Variants in GSTA4 observed in about 807,000 individuals in gnomAD.
GSTA4 encodes the protein glutathione S-transferase alpha 4, also known as glutathione S-transferase A4.
In GSTA4, 15 loss-of-function variants were observed where a neutral mutation model predicts 24.4. The ratio of observed to expected loss-of-function variants is 0.61; its 90% CI spans 0.41 to 0.95. GSTA4 has a LOEUF of 0.95. Among genes scored for constraint, GSTA4 ranks in the 40% least tolerant of loss-of-function variants. The pLI is 0.00. For missense variants in GSTA4, 244 were observed against 262.1 expected (o/e 0.93, Z 0.48); for synonymous variants, 92 against 94.2 (o/e 0.98, Z 0.13).
intron 6 of GSTA4, among the ~76,000 whole-genome samples, chr6:52,980,669 G>A (rs1395529324): frequency 6.6e-6 from 1 of 152,024 alleles, no homozygotes; most frequent in Admixed American, 6.6e-5. Flanking sequence ...ACCTATTTGG[G>A]GCCAAAGGTA....
At chr6:52,993,197 C>T (rs1247865712) in intron 2 of GSTA4, among the ~76,000 whole-genome samples, 1 of 152,144 alleles carries the variant, frequency 6.6e-6, no homozygotes, top group African/African-American at 2.4e-5. Context: ...CGTAATATGA[C>T]ATGGTGATGT....
At chr6:52,992,133 G>A (rs570876742) in intron 2 of GSTA4, among the ~76,000 whole-genome samples, 3 of 152,052 alleles carry the variant, frequency 2.0e-5, no homozygotes, top group Admixed American at 6.6e-5. Context: ...GATGAGCACA[G>A]AGCATTTTAT....
In GSTA4 at chr6:52,978,582, A is replaced by G; in HGVS notation, c.557T>C (p.Val186Ala). The stretch of plus-strand genomic sequence containing the variant: ...AATTGTAGGGATATTACTTAGTTTC[A>G]CTGTGTATTCCTGAAAAAGGAAAAC... ...SAFPFLQEYT[V>A]KLSNIPTIKR... is the part of the protein sequence containing the mutation. Residue 186 changes from valine (V) to alanine (A), a missense_variant, in exon 7 of 7, where the codon GTG (valine) becomes GCG (alanine). Transcript: ENST00000370963. 1 of 1,609,116 alleles carries G rather than the reference A, an allele frequency of 6.2e-7. No homozygotes were observed.
In GSTA4 at chr6:52,991,396, C is replaced by T. The variant is rs139371688; in HGVS notation, c.87+2761G>A. Among the ~76,000 whole-genome samples the T allele has an allele frequency of 9.8e-3, 1,489 of 152,050 alleles. 12 individuals are homozygous for T. Among genetic ancestry groups the T allele is most frequent in the Middle Eastern group, 0.037 (11 of 294 alleles). ...TGGGGTTGATATCACAGGAACACACCGATGAAGGTCGGCATCACTGAAAAC... is the reference window on the plus strand; with the variant it reads ...TGGGGTTGATATCACAGGAACACACTGATGAAGGTCGGCATCACTGAAAAC... On this transcript the variant is annotated intron_variant, in intron 2 of 6. Coordinates refer to ENST00000370963, the MANE Select transcript of GSTA4 (RefSeq NM_001512.4).
intron 2 of GSTA4, 37 bp from the exon 3 acceptor site, chr6:52,987,445 G>A: frequency 9.3e-7 from 1 of 1,076,454 alleles, no homozygotes; most frequent in Non-Finnish European, 1.4e-6. Flanking sequence ...TATACATAGT[G>A]GAATATTATT....
chr6:52,984,521 C>T lies in GSTA4; in HGVS notation c.357G>A (p.Lys119=), dbSNP rs1274829235. ...CCTTCTGGGCCATGTTAACCACTTC[C>T]TTTTGCTGATCATCTGGTTTTAAGA... ...HPFLKPDDQQ[K]EVVNMAQKAI... The change falls in exon 5 of 7, where the codon AAG becomes AAA. Residue 119 remains lysine (K), a synonymous_variant. Transcript: ENST00000370963. 6.2e-7 allele frequency: 1 copy of T among 1,613,696 alleles called. No homozygotes were observed. The highest frequency in any genetic ancestry group is 1.3e-5 in the African/African-American group (1 of 74,904).
chr6:52,989,391 T>C (rs1310481587), intron 2 of GSTA4, among the ~76,000 whole-genome samples: 1 of 152,216 alleles, frequency 6.6e-6, no homozygotes, highest in Non-Finnish European at 1.5e-5. Context: ...GAACCCTCGG[T>C]TGGGGTCTGG....
Position 52,995,271 on chromosome 6 carries a change from G to A in GSTA4, c.-41C>T, listed in dbSNP as rs1225383445. 1 of 152,298 alleles carries A rather than the reference G, an allele frequency of 6.6e-6. No homozygotes were observed. The highest frequency in any genetic ancestry group is 2.4e-5 in the African/African-American group (1 of 41,466). 9.4% of individuals were successfully genotyped at this position (152,298 alleles called of 1,614,324 possible). A position where few individuals can be genotyped will look rare whatever the true frequency, so the allele number is the denominator to read the frequency against. ...GACCTGGAGTCCACTCGGAGGCCTG[G>A]AGCCGCACAAAGCGCCAGGTCAGCG... is the stretch of plus-strand genomic sequence containing the variant. On this transcript the variant is annotated 5_prime_UTR_variant, in exon 1 of 7. Transcript: ENST00000370963.
chr6:52,994,134 T>G lies in GSTA4; in HGVS notation c.87+23A>C, dbSNP rs369586008. The G allele has an allele frequency of 1.3e-5, 19 of 1,483,288 alleles. No homozygotes were observed. In the Admixed American group the frequency reaches 1.5e-4, roughly 12 times the overall value. 91.9% of individuals were successfully genotyped at this position (1,483,288 alleles called of 1,614,324 possible). A position where few individuals can be genotyped will look rare whatever the true frequency, so the allele number is the denominator to read the frequency against. ...TCTCAAAAGCTGTATGACAAATCCG[T>G]GAAGAAACAGCATATAAGGTACCTC... is the stretch of plus-strand genomic sequence containing the variant. On this transcript the variant is annotated intron_variant, in intron 2 of 6. Coordinates refer to ENST00000370963, the MANE Select transcript of GSTA4 (RefSeq NM_001512.4).
chr6:52,986,676 T>C (rs1232060617), intron 3 of GSTA4, among the ~76,000 whole-genome samples: 1 of 152,124 alleles, frequency 6.6e-6, no homozygotes, highest in Non-Finnish European at 1.5e-5. Context: ...ACTTAGCACA[T>C]GCCTAGTGGC....
chr6:52,981,506 G>A (rs1469431336), intron 6 of GSTA4, among the ~76,000 whole-genome samples: 5 of 152,184 alleles, frequency 3.3e-5, no homozygotes, highest in African/African-American at 7.2e-5. Context: ...AAATGAGTGG[G>A]CATGGCTTTG....
At chr6:52,984,161 G>A (rs1325378509) in intron 5 of GSTA4, among the ~76,000 whole-genome samples, 2 of 152,216 alleles carry the variant, frequency 1.3e-5, no homozygotes, top group African/African-American at 4.8e-5. Flanking sequence ...TGTATCTTCT[G>A]AAGTTTCTGC....
chr6:52,980,367 T>C (rs1050037457), intron 6 of GSTA4, among the ~76,000 whole-genome samples: 2 of 151,428 alleles, frequency 1.3e-5, no homozygotes, highest in Non-Finnish European at 2.9e-5. Context: ...TGCAGTGGCA[T>C]GATCTCGGCT....
chr6:52,982,553 C>A, intron 6 of GSTA4, 21 bp downstream of exon 6: 2 of 1,596,676 alleles, frequency 1.3e-6, no homozygotes, highest in Non-Finnish European at 1.7e-6. Context: ...GGCCAATCTT[C>A]TAATACATAG....
At chr6:52,984,392 G>A in intron 5 of GSTA4, 72 bp downstream of exon 5, 1 of 1,384,780 alleles carries the variant, frequency 7.2e-7, no homozygotes, top group Non-Finnish European at 1.0e-6. Context: ...GGACAGAAAA[G>A]GGTGTTTGTG....
intron 2 of GSTA4, among the ~76,000 whole-genome samples, chr6:52,992,051 G>A (rs913775086): frequency 3.4e-5 from 5 of 145,452 alleles, no homozygotes; most frequent in Non-Finnish European, 6.0e-5. Flanking sequence ...CACCGTGCCG[G>A]CTGGTTAATA....
chr6:52,980,634 T>C (rs1729289882), intron 6 of GSTA4, among the ~76,000 whole-genome samples: 1 of 152,184 alleles, frequency 6.6e-6, no homozygotes, highest in Non-Finnish European at 1.5e-5. Context: ...CTTAGCATTC[T>C]ACCTACTTCT....
intron 2 of GSTA4, among the ~76,000 whole-genome samples, chr6:52,989,014 G>T (rs536732430): frequency 6.6e-6 from 1 of 152,124 alleles, no homozygotes; most frequent in East Asian, 1.9e-4. Context: ...AAAGATACAG[G>T]TCATAAAGAC....
At chr6:52,990,850 C>T (rs1763646935) in intron 2 of GSTA4, among the ~76,000 whole-genome samples, 1 of 152,110 alleles carries the variant, frequency 6.6e-6, no homozygotes, top group African/African-American at 2.4e-5. Context: ...AGTTAGCAAA[C>T]ACACCCTGAA....
Sources: allele counts gnomAD v4.1 joint callset (sites outside exome capture counted in the v4.1 genomes callset), GRCh38; gene constraint gnomAD v4.1.1; transcripts MANE v1.5; gene names NCBI Gene and HGNC (gene_info 2026-07-23, HGNC 2026-07-21).